The following COL27A1 variants were observed in gnomAD, a reference collection of about 807,000 sequenced individuals.
COL27A1 encodes collagen alpha-1(XXVII) chain.
Under a neutral mutation model 251.3 loss-of-function variants are expected in COL27A1, and 106 were observed. The observed-to-expected ratio is 0.42, with a 90% CI of 0.36 to 0.50. COL27A1 has a LOEUF of 0.50. Among genes scored for constraint, COL27A1 ranks in the 20% least tolerant of loss-of-function variants. COL27A1 has a pLI of 0.00. For missense variants in COL27A1, 2,325 were observed against 2,522.8 expected (o/e 0.92, Z 1.68); for synonymous variants, 1,000 against 986.3 (o/e 1.01, Z -0.26).
Position 114,283,782 on chromosome 9 carries a change from C to A in COL27A1, c.3933+20C>A. The A allele has an allele frequency of 6.2e-7, 1 of 1,613,066 alleles. No individual in the cohort carries two copies. The highest frequency in any genetic ancestry group is 8.5e-7 in the Non-Finnish European group (1 of 1,179,218). ...TATGATGTAAGCAGATATCACCTCA[C>A]CCCACCCCCCGACTCTGTCCTGCAG... is the stretch of plus-strand genomic sequence containing the variant. On this transcript the variant is annotated intron_variant, in intron 40 of 60. Coordinates refer to ENST00000356083, the MANE Select transcript of COL27A1 (RefSeq NM_032888.4).
At chr9:114,286,424 T>C (rs1199118552) in intron 41 of COL27A1, among the ~76,000 whole-genome samples, 1 of 152,040 alleles carries the variant, frequency 6.6e-6, no homozygotes, top group Non-Finnish European at 1.5e-5. Context: ...TTAGACCCCA[T>C]CTGTCCGATG....
intron 14 of COL27A1, among the ~76,000 whole-genome samples, chr9:114,229,381 A>C (rs1347865331): frequency 6.6e-6 from 1 of 152,142 alleles, no homozygotes; most frequent in South Asian, 2.1e-4. Flanking sequence ...GCATTCCATC[A>C]CATAGTCCCC....
intron 4 of COL27A1, among the ~76,000 whole-genome samples, chr9:114,181,646 C>T (rs996845494): frequency 3.3e-5 from 5 of 152,184 alleles, no homozygotes; most frequent in Non-Finnish European, 7.3e-5. Context: ...AAGTATTCCC[C>T]GGCTCTTAGG....
At chr9:114,157,889 A>G (rs77731647) in intron 1 of COL27A1, among the ~76,000 whole-genome samples, 9,043 of 152,294 alleles carry the variant, frequency 0.059, 365 homozygotes, top group South Asian at 0.11. Context: ...GAACAGGACC[A>G]TGCTTGTAAA....
At chr9:114,275,210 C>T (rs1462919012) in intron 36 of COL27A1, among the ~76,000 whole-genome samples, 3 of 151,708 alleles carry the variant, frequency 2.0e-5, no homozygotes, top group African/African-American at 7.3e-5. Flanking sequence ...GCTGCGGTGA[C>T]CTATAATTGC....
At chr9:114,207,687 C>A (rs1018353648) in intron 10 of COL27A1, among the ~76,000 whole-genome samples, 2 of 152,196 alleles carry the variant, frequency 1.3e-5, no homozygotes, top group Non-Finnish European at 2.9e-5. Context: ...CCTGCCACCA[C>A]CAGCCTCATA....
At chr9:114,255,157 C>T (rs1460695733) in intron 27 of COL27A1, among the ~76,000 whole-genome samples, 1 of 152,188 alleles carries the variant, frequency 6.6e-6, no homozygotes, top group African/African-American at 2.4e-5. Context: ...GGAAAAGTCA[C>T]ATCTGGCCCA....
rs547882515 is a variant in COL27A1 at position 114,269,807 on chromosome 9, C to A, written c.3555+513C>A. Reference sequence around the variant, plus strand: ...CATTCCAGCGGGTTGATAAGTGATACCTGCCATGGGTACAAGAGGAGCATG... The same window carrying A: ...CATTCCAGCGGGTTGATAAGTGATAACTGCCATGGGTACAAGAGGAGCATG... On this transcript the variant is annotated intron_variant, in intron 35 of 60. Transcript: ENST00000356083. 5.3e-5 allele frequency among the ~76,000 whole-genome samples: 8 copies of A among 152,200 alleles called. No homozygotes were observed. In the South Asian group the frequency reaches 1.7e-3, roughly 32 times the overall value.
At chr9:114,241,104 C>A (rs1238855510) in intron 21 of COL27A1, among the ~76,000 whole-genome samples, 1 of 152,224 alleles carries the variant, frequency 6.6e-6, no homozygotes, top group Non-Finnish European at 1.5e-5. Flanking sequence ...TATTTATGTG[C>A]GCTGGATGAA....
At chr9:114,282,395 C>T (rs1257471557) in intron 38 of COL27A1, 62 bp from the exon 39 acceptor site, 3 of 1,605,982 alleles carry the variant, frequency 1.9e-6, no homozygotes, top group African/African-American at 2.7e-5. Flanking sequence ...CCACATCCCT[C>T]CCCTCCCTGG....
At chr9:114,205,843 G>T in intron 9 of COL27A1, 31 bp downstream of exon 9, 1 of 1,599,134 alleles carries the variant, frequency 6.3e-7, no homozygotes, top group Admixed American at 1.7e-5. Flanking sequence ...AAGCTCTGTG[G>T]CCATGGTGAT....
intron 7 of COL27A1, among the ~76,000 whole-genome samples, chr9:114,202,366 C>A (rs768171030): frequency 2.2e-4 from 34 of 152,186 alleles, no homozygotes; most frequent in South Asian, 1.0e-3. Context: ...TCCATTGGAT[C>A]TTTGCAGGCA....
At chr9:114,304,074 G>A (rs1401819213) in intron 56 of COL27A1, among the ~76,000 whole-genome samples, 1 of 152,250 alleles carries the variant, frequency 6.6e-6, no homozygotes, top group Admixed American at 6.5e-5. Flanking sequence ...GATACAAGTA[G>A]TACCCCCTCC....
intron 5 of COL27A1, among the ~76,000 whole-genome samples, chr9:114,192,922 T>A (rs1236193762): frequency 6.6e-6 from 1 of 152,190 alleles, no homozygotes; most frequent in African/African-American, 2.4e-5. Flanking sequence ...TTAATTAAAG[T>A]TGCCCAAACC....
At chr9:114,176,030 C>G (rs1403059875) in intron 3 of COL27A1, among the ~76,000 whole-genome samples, 1 of 152,120 alleles carries the variant, frequency 6.6e-6, no homozygotes, top group Non-Finnish European at 1.5e-5. Flanking sequence ...CACACTCAAC[C>G]AAGATTGTGT....
intron 5 of COL27A1, among the ~76,000 whole-genome samples, chr9:114,189,032 A>G (rs1402232887): frequency 6.6e-6 from 1 of 152,194 alleles, no homozygotes; most frequent in South Asian, 2.1e-4. Context: ...ACAAATAGAA[A>G]TGTTATCCTT....
Position 114,196,018 on chromosome 9 carries a change from G to A in COL27A1, c.2124+6G>A. ...CAGGACCTCCGGGACGAAAGGTACTGTTTGGTTTTGATGCTTTGCCTTGCG... is the reference window on the plus strand; with the variant it reads ...CAGGACCTCCGGGACGAAAGGTACTATTTGGTTTTGATGCTTTGCCTTGCG... On this transcript the variant is annotated splice_donor_region_variant and intron_variant, in intron 7 of 60. Coordinates refer to ENST00000356083, the MANE Select transcript of COL27A1 (RefSeq NM_032888.4). The A allele has an allele frequency of 6.2e-7, 1 of 1,613,934 alleles. No individual in the cohort carries two copies. Among genetic ancestry groups the A allele is most frequent in the Non-Finnish European group, 8.5e-7 (1 of 1,179,838 alleles).
In COL27A1 at chr9:114,269,308, AT is replaced by A. The variant is rs1456972641; in HGVS notation, c.3555+17del. On this transcript the variant is annotated intron_variant, in intron 35 of 60. Coordinates refer to ENST00000356083, the MANE Select transcript of COL27A1 (RefSeq NM_032888.4). ...ATTGGGCAACGGGTAAGTTGAAGCA[AT>A]TTATTCTTCCTGAAAGCCCCCAGGG... The A allele has an allele frequency of 6.2e-7, 1 of 1,603,178 alleles. No homozygotes were observed.
At chr9:114,210,193 A>C (rs1178913357) in intron 11 of COL27A1, among the ~76,000 whole-genome samples, 7 of 152,246 alleles carry the variant, frequency 4.6e-5, no homozygotes, top group Non-Finnish European at 8.8e-5. Context: ...CTGTTTTTGC[A>C]AACAGTTTTA....
Sources: allele counts gnomAD v4.1 joint callset (sites outside exome capture counted in the v4.1 genomes callset), GRCh38; gene constraint gnomAD v4.1.1; transcripts MANE v1.5; gene names NCBI Gene and HGNC (gene_info 2026-07-23, HGNC 2026-07-21).